The following NRXN3 variants were observed in gnomAD, a reference collection of about 807,000 sequenced individuals.
The protein encoded by NRXN3 is neurexin 3, also known as neurexin III.
In NRXN3, 32 loss-of-function variants were observed where a neutral mutation model predicts 137.6. The observed-to-expected ratio is 0.23, with a 90% CI of 0.18 to 0.31. The LOEUF is 0.31. Among genes scored for constraint, NRXN3 ranks in the 10% least tolerant of loss-of-function variants. The probability of loss-of-function intolerance (pLI) is 1.00; values close to 1 mark genes in which losing one functional copy is unlikely to be tolerated. For missense variants in NRXN3, 1,574 were observed against 2,062.5 expected (o/e 0.76, Z 4.59); for synonymous variants, 798 against 784.5 (o/e 1.02, Z -0.29).
intron 4 of NRXN3, among the ~76,000 whole-genome samples, chr14:78,570,523 G>T (rs1376365554): frequency 6.6e-6 from 1 of 152,146 alleles, no homozygotes; most frequent in Admixed American, 6.5e-5. Flanking sequence ...ACTTCTGCAG[G>T]TTAATTCTGG....
intron 15 of NRXN3, among the ~76,000 whole-genome samples, chr14:79,459,758 A>G (rs922290693): frequency 2.0e-5 from 3 of 152,042 alleles, no homozygotes; most frequent in African/African-American, 7.2e-5. Flanking sequence ...TGATATTAAC[A>G]TTAGTCTAGA....
At chr14:78,254,926 A>C (rs2069289431) in intron 2 of NRXN3, among the ~76,000 whole-genome samples, 1 of 152,060 alleles carries the variant, frequency 6.6e-6, no homozygotes, top group Non-Finnish European at 1.5e-5. Context: ...CCTTGGAAGC[A>C]CATTCCCTGT....
rs557479847 is a variant in NRXN3, at chr14:78,345,697, C to T, written c.757+47837C>T. Among the ~76,000 whole-genome samples, 462 of 152,176 alleles carry T rather than the reference C, an allele frequency of 3.0e-3. 1 individual carries two copies. The highest frequency in any genetic ancestry group is 0.02 in the Middle Eastern group (6 of 294). On this transcript the variant is annotated intron_variant, in intron 4 of 20. Transcript: ENST00000335750. ...CCCTTATGGGTTATAAAGAGGAACC[C>T]GTTTTGGGATGTTGAGGGATCTGGG...
At chr14:78,622,432 T>G (rs1180168881) in intron 4 of NRXN3, among the ~76,000 whole-genome samples, 1 of 152,226 alleles carries the variant, frequency 6.6e-6, no homozygotes, top group African/African-American at 2.4e-5. Context: ...TTTGTTTGTT[T>G]TGTTTTGTGA....
chr14:79,631,797 A>G (rs2098352735), intron 16 of NRXN3, among the ~76,000 whole-genome samples: 2 of 151,518 alleles, frequency 1.3e-5, no homozygotes, highest in South Asian at 2.1e-4. Flanking sequence ...AAACGTACCA[A>G]TCAGTGCTCT....
chr14:79,704,912 G>T (rs2098770890), intron 19 of NRXN3, among the ~76,000 whole-genome samples: 1 of 152,134 alleles, frequency 6.6e-6, no homozygotes, highest in Admixed American at 6.5e-5. Context: ...TTAGATGTTG[G>T]CAGTACAAAT....
chr14:79,563,218 G>A (rs986931478), intron 16 of NRXN3, among the ~76,000 whole-genome samples: 1 of 152,126 alleles, frequency 6.6e-6, no homozygotes, highest in East Asian at 1.9e-4. Flanking sequence ...AGGATCTAGT[G>A]TATTATTCCC....
intron 10 of NRXN3, among the ~76,000 whole-genome samples, chr14:78,894,816 AATCTT>A (rs1445339595): frequency 1.3e-5 from 2 of 151,720 alleles, no homozygotes; most frequent in Non-Finnish European, 2.9e-5. Flanking sequence ...AAGCCACATT[AATCTT>A]CTTGTACTCC....
chr14:78,556,384 G>A (rs1324475623), intron 4 of NRXN3, among the ~76,000 whole-genome samples: 1 of 152,094 alleles, frequency 6.6e-6, no homozygotes, highest in African/African-American at 2.4e-5. Flanking sequence ...ATTTCAAAAG[G>A]TGTAAATCAA....
chr14:79,780,390 G>A (rs2140077858), intron 19 of NRXN3, among the ~76,000 whole-genome samples: 1 of 152,050 alleles, frequency 6.6e-6, no homozygotes, highest in South Asian at 2.1e-4. Flanking sequence ...CACAAGGTCA[G>A]GAGATCGAGA....
intron 4 of NRXN3, among the ~76,000 whole-genome samples, chr14:78,644,270 G>A (rs977967334): frequency 2.0e-5 from 3 of 152,086 alleles, no homozygotes; most frequent in South Asian, 2.1e-4. Flanking sequence ...CCCAGTCTAT[G>A]AAATATTGTC....
intron 8 of NRXN3, among the ~76,000 whole-genome samples, chr14:78,800,149 G>C (rs1279229653): frequency 1.3e-5 from 2 of 152,140 alleles, no homozygotes; most frequent in African/African-American, 4.8e-5. Context: ...GTGCTTTGGT[G>C]CTTGGAAGCA....
chr14:79,858,888 T>C (rs966711928), intron 20 of NRXN3, among the ~76,000 whole-genome samples: 2 of 150,842 alleles, frequency 1.3e-5, no homozygotes, highest in Non-Finnish European at 2.9e-5. Context: ...GGAACTGCAC[T>C]CCAAATCCCA....
chr14:79,074,823 G>C (rs1012148971), intron 15 of NRXN3: 1 of 152,174 alleles, frequency 6.6e-6, no homozygotes, highest in African/African-American at 2.4e-5. Flanking sequence ...GCTGATCTGT[G>C]AGGGAGATAA....
intron 16 of NRXN3, among the ~76,000 whole-genome samples, chr14:79,654,238 T>C (rs1603354587): frequency 6.6e-6 from 1 of 152,052 alleles, no homozygotes; most frequent in South Asian, 2.1e-4. Flanking sequence ...CTCACCCTAT[T>C]TGAGTTATTC....
intron 10 of NRXN3, among the ~76,000 whole-genome samples, chr14:78,953,798 G>A (rs2099391511): frequency 6.6e-6 from 1 of 151,902 alleles, no homozygotes; most frequent in African/African-American, 2.4e-5. Flanking sequence ...TATAAAAGAG[G>A]GAAAAATACA....
chr14:78,821,130 G>A (rs576130401), intron 10 of NRXN3, among the ~76,000 whole-genome samples: 2 of 151,918 alleles, frequency 1.3e-5, no homozygotes, highest in African/African-American at 4.8e-5. Context: ...GGATTAATGG[G>A]GAAAAAAGAG....
chr14:79,539,195 AT>A (rs138981401), intron 16 of NRXN3, among the ~76,000 whole-genome samples: 13 of 149,652 alleles, frequency 8.7e-5, no homozygotes, highest in Middle Eastern at 3.5e-3. Flanking sequence ...CACCTGGCTA[AT>A]TTTTTTTTTG....
chr14:79,102,235 C>T (rs982583938), intron 15 of NRXN3, among the ~76,000 whole-genome samples: 7 of 152,172 alleles, frequency 4.6e-5, no homozygotes, highest in Admixed American at 2.0e-4. Flanking sequence ...CACCCAAAGA[C>T]GTGACTAGGA....
Sources: gnomAD v4.1 joint callset for allele counts (sites outside exome capture counted in the v4.1 genomes callset) on GRCh38, gnomAD v4.1.1 for gene constraint, MANE v1.5 for transcripts, NCBI Gene and HGNC (gene_info 2026-07-23, HGNC 2026-07-21) for gene names.